Variants in CHL1 observed in about 807,000 individuals in gnomAD.
CHL1 encodes neural cell adhesion molecule L1-like protein.
A neutral mutation model predicts 141.9 loss-of-function variants in CHL1; 96 were observed. The ratio of observed to expected loss-of-function variants is 0.68; its 90% CI spans 0.57 to 0.80. The LOEUF (loss-of-function observed/expected upper bound fraction) is 0.80. Ranked by LOEUF, CHL1 falls within the 30% of genes least tolerant of loss-of-function variation. The pLI, the probability that CHL1 is intolerant of heterozygous loss-of-function variation, is 0.00. For missense variants in CHL1, 1,820 were observed against 1,457.2 expected (o/e 1.25, Z -4.05); for synonymous variants, 613 against 502.2 (o/e 1.22, Z -2.95).
Position 319,688 on chromosome 3 carries a change from A to G in CHL1, c.-89A>G. On this transcript the variant is annotated 5_prime_UTR_variant, in exon 3 of 28. Transcript: ENST00000256509. ...TATTCTGTTTGTGTTTTTAGTTTCC[A>G]GGTTAACTAAGGTCTCAGCTGTAAA... 1 of 727,382 alleles carries G rather than the reference A, an allele frequency of 1.4e-6. No individual in the cohort carries two copies. The highest frequency in any genetic ancestry group is 1.8e-5 in the African/African-American group (1 of 55,024). The allele number at this position is 727,382 out of a possible 1,614,324, so 45.1% of individuals were successfully genotyped here. A position where few individuals can be genotyped will look rare whatever the true frequency, so the allele number is the denominator to read the frequency against.
At chr3:392,261 G>A (rs1242492354) in intron 23 of CHL1, among the ~76,000 whole-genome samples, 2 of 152,218 alleles carry the variant, frequency 1.3e-5, no homozygotes, top group African/African-American at 4.8e-5. Context: ...ATGTGATGGA[G>A]ATTCAAAGCA....
At chr3:383,259 T>C (rs1310543701) in intron 18 of CHL1, among the ~76,000 whole-genome samples, 1 of 152,198 alleles carries the variant, frequency 6.6e-6, no homozygotes, top group East Asian at 1.9e-4. Flanking sequence ...TGTGTGATTT[T>C]AGTGCATGTC....
chr3:337,180 C>CTTTTTTT (rs1490013935), intron 5 of CHL1, among the ~76,000 whole-genome samples: 1 of 113,288 alleles, frequency 8.8e-6, no homozygotes, highest in Non-Finnish European at 1.7e-5. Flanking sequence ...TCCAAACATT[C>CTTTTTTT]TTTTGTTTTT....
intron 13 of CHL1, 131 bp downstream of exon 13, chr3:361,941 G>A: frequency 1.6e-6 from 1 of 620,628 alleles, no homozygotes; most frequent in Non-Finnish European, 2.9e-6. Flanking sequence ...GAGACATAAG[G>A]TAACAAACTT....
intron 23 of CHL1, among the ~76,000 whole-genome samples, chr3:394,490 G>A (rs1708500237): frequency 2.0e-5 from 3 of 152,044 alleles, no homozygotes; most frequent in African/African-American, 2.4e-5. Context: ...GGAGCAAAGG[G>A]CTTATTCTTG....
rs755483886 is a variant in CHL1 at position 391,014 on chromosome 3, C to A, written c.2646C>A (p.Asn882Lys). 3.4e-5 allele frequency: 55 copies of A among 1,614,144 alleles called. No individual in the cohort carries two copies. The highest frequency in any genetic ancestry group is 4.6e-5 in the Non-Finnish European group (54 of 1,179,976). Residue 882 changes from asparagine to lysine, a missense_variant, in exon 22 of 28, where the codon AAC becomes AAA. Transcript: ENST00000256509. ...LDGRTHPKEV[N>K]ILRFSGQRNS... ...GAAGAACACATCCCAAAGAAGTGAACATTCTAAGATTTTCAGGACAAAGAA... is the reference window on the plus strand; with the variant it reads ...GAAGAACACATCCCAAAGAAGTGAAAATTCTAAGATTTTCAGGACAAAGAA...
intron 1 of CHL1, among the ~76,000 whole-genome samples, chr3:227,895 G>C (rs7648273): frequency 0.039 from 5,908 of 152,264 alleles, 405 homozygotes; most frequent in African/African-American, 0.13. Context: ...TGTCAAGGGA[G>C]ACTATGAGAT....
chr3:308,648 A>G (rs1699458625), intron 2 of CHL1: 1 of 150,262 alleles, frequency 6.7e-6, no homozygotes. Flanking sequence ...TATCTATATT[A>G]TATAATATAT....
intron 1 of CHL1, among the ~76,000 whole-genome samples, chr3:242,549 TTGTGC>T (rs1559325741): frequency 4.6e-5 from 7 of 151,998 alleles, no homozygotes; most frequent in Non-Finnish European, 1.5e-5. Flanking sequence ...TGAGCCGAGA[TTGTGC>T]CACTGCACTC....
At chr3:237,991 A>T (rs1351280901) in intron 1 of CHL1, among the ~76,000 whole-genome samples, 1 of 152,204 alleles carries the variant, frequency 6.6e-6, no homozygotes, top group Non-Finnish European at 1.5e-5. Context: ...AAAAGCCAAC[A>T]TTAACAAAGT....
intron 1 of CHL1, among the ~76,000 whole-genome samples, chr3:209,512 T>C (rs748720900): frequency 2.0e-5 from 3 of 152,226 alleles, no homozygotes; most frequent in Non-Finnish European, 2.9e-5. Context: ...TCCTTCCTAG[T>C]GGTCTAGTTG....
intron 1 of CHL1, among the ~76,000 whole-genome samples, chr3:216,360 T>C (rs1235296340): frequency 6.6e-6 from 1 of 152,264 alleles, no homozygotes; most frequent in Admixed American, 6.5e-5. Context: ...GACATTCTTA[T>C]GTGACAATTG....
chr3:302,760 T>G (rs992738426), intron 2 of CHL1, among the ~76,000 whole-genome samples: 3 of 152,234 alleles, frequency 2.0e-5, no homozygotes, highest in Non-Finnish European at 2.9e-5. Context: ...AGATCCCATT[T>G]GTCAGTGTTG....
intron 1 of CHL1, among the ~76,000 whole-genome samples, chr3:219,375 A>G (rs115961463): frequency 0.041 from 6,203 of 152,226 alleles, 397 homozygotes; most frequent in African/African-American, 0.14. Context: ...AGACACATTC[A>G]TATGTATGTT....
At chr3:286,393 C>G (rs1451039549) in intron 2 of CHL1, among the ~76,000 whole-genome samples, 1 of 151,888 alleles carries the variant, frequency 6.6e-6, no homozygotes, top group African/African-American at 2.4e-5. Context: ...AGTGGATCAC[C>G]TGAGGTCAGG....
chr3:338,138 C>G (rs768328277), intron 5 of CHL1, among the ~76,000 whole-genome samples: 1 of 152,134 alleles, frequency 6.6e-6, no homozygotes, highest in African/African-American at 2.4e-5. Flanking sequence ...TGCAAACATT[C>G]TTGAAATTCT....
intron 10 of CHL1, among the ~76,000 whole-genome samples, chr3:352,337 T>A (rs1408553226): frequency 6.6e-6 from 1 of 152,192 alleles, no homozygotes; most frequent in Non-Finnish European, 1.5e-5. Context: ...GTGTTGTATG[T>A]TCTATAGGTA....
At chr3:335,878 T>A (rs1343986996) in intron 5 of CHL1, among the ~76,000 whole-genome samples, 1 of 152,168 alleles carries the variant, frequency 6.6e-6, no homozygotes, top group Non-Finnish European at 1.5e-5. Flanking sequence ...TGGCCTACCT[T>A]GTCTCTGTGC....
At chr3:359,246 T>C (rs893371051) in intron 11 of CHL1, among the ~76,000 whole-genome samples, 1 of 151,868 alleles carries the variant, frequency 6.6e-6, no homozygotes, top group African/African-American at 2.4e-5. Context: ...CCACATCCAG[T>C]AGAGTTTTTG....
Sources: allele counts gnomAD v4.1 joint callset (sites outside exome capture counted in the v4.1 genomes callset), GRCh38; gene constraint gnomAD v4.1.1; transcripts MANE v1.5; gene names NCBI Gene and HGNC (gene_info 2026-07-23, HGNC 2026-07-21).